The following DOCK1 variants were observed in gnomAD, a reference collection of about 807,000 sequenced individuals.
DOCK1 encodes the protein dedicator of cytokinesis 1, also known as dedicator of cytokinesis protein 1.
In DOCK1, 138 loss-of-function variants were observed where a neutral mutation model predicts 262.7. The observed-to-expected ratio is 0.53, with a 90% CI of 0.46 to 0.61. The LOEUF is 0.61. Among genes scored for constraint, DOCK1 ranks in the 20% least tolerant of loss-of-function variants. The pLI, the probability that DOCK1 is intolerant of heterozygous loss-of-function variation, is 0.00. For synonymous variants in DOCK1, 866 were observed against 867.4 expected, an observed-to-expected ratio of 1.00 and a Z score of 0.03; for missense variants, 1,908 against 2,370.7, an observed-to-expected ratio of 0.80 and a Z score of 4.05.
intron 24 of DOCK1, among the ~76,000 whole-genome samples, chr10:127,107,245 A>G (rs2048586680): frequency 1.3e-5 from 2 of 152,172 alleles, no homozygotes; most frequent in South Asian, 2.1e-4. Context: ...TTACCGGCCA[A>G]TGAAGCCCTC....
At chr10:127,009,923 G>T (rs1198563005) in intron 11 of DOCK1, among the ~76,000 whole-genome samples, 1 of 152,122 alleles carries the variant, frequency 6.6e-6, no homozygotes, top group Non-Finnish European at 1.5e-5. Flanking sequence ...GAAGAGTATG[G>T]CTTTCTTTGC....
At chr10:127,123,291 A>G (rs1351655302) in intron 25 of DOCK1, among the ~76,000 whole-genome samples, 1 of 152,096 alleles carries the variant, frequency 6.6e-6, no homozygotes, top group Non-Finnish European at 1.5e-5. Context: ...TGTTTTCCAG[A>G]ATGGTGGCAG....
chr10:127,451,348 T>C lies in DOCK1; in HGVS notation c.5582T>C (p.Leu1861Pro), dbSNP rs773681145. 2.5e-6 allele frequency: 4 copies of C among 1,598,806 alleles called. No individual in the cohort carries two copies. Among genetic ancestry groups the C allele is most frequent in the Non-Finnish European group, 1.7e-6 (2 of 1,172,936 alleles). Residue 1861 changes from leucine to proline, a missense_variant, in exon 52 of 52, where the codon CTG (leucine) becomes CCG (proline). Leu to Pro is a moderately conservative substitution (Grantham distance 98, BLOSUM62 -3). Transcript: ENST00000623213. ...GTTTTTTAGCATCTGCCACCTCCAC[T>C]GCCCAGCAAAACTCCGCCTCCTCCC... ...PPHQRHLPPP[L>P]PSKTPPPPPP... is the part of the protein sequence containing the mutation.
At chr10:127,108,508 A>G (rs992576677) in intron 24 of DOCK1, among the ~76,000 whole-genome samples, 18 of 152,146 alleles carry the variant, frequency 1.2e-4, no homozygotes, top group Non-Finnish European at 2.4e-4. Flanking sequence ...AATTGTTTGA[A>G]CCCAGAGGCA....
At chr10:127,134,181 C>T (rs2050503727) in intron 27 of DOCK1, among the ~76,000 whole-genome samples, 1 of 152,182 alleles carries the variant, frequency 6.6e-6, no homozygotes, top group Non-Finnish European at 1.5e-5. Flanking sequence ...GGTCTGTCTT[C>T]ACAGTTTTAA....
intron 1 of DOCK1, among the ~76,000 whole-genome samples, chr10:126,958,835 T>A (rs1203473870): frequency 6.6e-6 from 1 of 152,100 alleles, no homozygotes; most frequent in Non-Finnish European, 1.5e-5. Flanking sequence ...AGTCGAACTC[T>A]GTGAAATATT....
In DOCK1 at chr10:126,929,015, CCT is replaced by C. The variant is rs2033984118; in HGVS notation, c.46+23457_46+23458del. Among the ~76,000 whole-genome samples, 8 of 152,286 alleles carry C rather than the reference CCT, an allele frequency of 5.3e-5. No individual in the cohort carries two copies. The South Asian group carries it at 1.7e-3, about 32-fold the overall frequency. On this transcript the variant is annotated intron_variant, in intron 1 of 51. Transcript: ENST00000623213. The stretch of plus-strand genomic sequence containing the variant: ...TTTCACATGTCTCATTTGACGAGGG[CCT>C]CTCTGTCTAGAAAGACTGTAGGCTG...
At chr10:126,915,111 T>C (rs1257231628) in intron 1 of DOCK1, among the ~76,000 whole-genome samples, 1 of 152,072 alleles carries the variant, frequency 6.6e-6, no homozygotes, top group Non-Finnish European at 1.5e-5. Flanking sequence ...GAGGAGAATG[T>C]GGATTTGGTG....
intron 1 of DOCK1, among the ~76,000 whole-genome samples, chr10:126,949,904 T>C (rs2036044522): frequency 6.6e-6 from 1 of 152,060 alleles, no homozygotes; most frequent in Non-Finnish European, 1.5e-5. Context: ...AGGGCTGTGC[T>C]TTTTTAGAGT....
In DOCK1 at chr10:126,944,262, C is replaced by T. The variant is rs1458510404; in HGVS notation, c.47-26440C>T. Among the ~76,000 whole-genome samples the T allele has an allele frequency of 2.0e-5, 3 of 151,344 alleles. No individual in the cohort carries two copies. In the East Asian group the frequency reaches 5.9e-4, roughly 30 times the overall value. On this transcript the variant is annotated intron_variant, in intron 1 of 51. Transcript: ENST00000623213. ...GCAGGGGCTGCTGGTCTCCGGTGGT[C>T]CTGGAGAAGGATGAACTCAGGGTAC... is the stretch of plus-strand genomic sequence containing the variant.
chr10:127,000,476 C>G, intron 10 of DOCK1, 169 bp downstream of exon 10: 2 of 1,026,876 alleles, frequency 1.9e-6, no homozygotes, highest in Non-Finnish European at 2.7e-6. Flanking sequence ...TCAAGTTGAC[C>G]TGCTAGGCTC....
chr10:127,228,868 A>T (rs190341529), intron 27 of DOCK1, among the ~76,000 whole-genome samples: 2 of 152,230 alleles, frequency 1.3e-5, no homozygotes, highest in East Asian at 3.8e-4. Flanking sequence ...ATTGTGGAAC[A>T]GCTAAATTGA....
intron 12 of DOCK1, among the ~76,000 whole-genome samples, chr10:127,017,847 C>A (rs1394085883): frequency 2.0e-5 from 3 of 152,174 alleles, no homozygotes; most frequent in Non-Finnish European, 4.4e-5. Flanking sequence ...CCCTGCCTGC[C>A]CCGCCTTTGA....
At chr10:126,932,229 A>G (rs1329346549) in intron 1 of DOCK1, among the ~76,000 whole-genome samples, 1 of 152,210 alleles carries the variant, frequency 6.6e-6, no homozygotes, top group Non-Finnish European at 1.5e-5. Flanking sequence ...ATGACTGCAA[A>G]ATAGCAGAGA....
chr10:127,131,757 C>A (rs887402424), intron 27 of DOCK1, among the ~76,000 whole-genome samples: 2 of 152,140 alleles, frequency 1.3e-5, no homozygotes, highest in African/African-American at 4.8e-5. Flanking sequence ...AATCAGTAGA[C>A]CTTCTAGAGT....
intron 27 of DOCK1, among the ~76,000 whole-genome samples, chr10:127,190,729 C>T (rs1385195913): frequency 8.7e-5 from 12 of 138,198 alleles, no homozygotes; most frequent in South Asian, 2.6e-4. Flanking sequence ...AATCCCCCAC[C>T]GCCTTGCTGG....
In DOCK1 at chr10:126,981,908, C is replaced by G; in HGVS notation, c.172-10C>G. The G allele has an allele frequency of 6.3e-7, 1 of 1,583,482 alleles. No homozygotes were observed. On this transcript the variant is annotated splice_polypyrimidine_tract_variant and intron_variant, in intron 3 of 51. Transcript: ENST00000623213. ...TAATAAAAGCTACTGTTTTTTTTTT[C>G]CTCCCAAAGGGTATATTTCCTGCTT...
In DOCK1 at chr10:127,415,223, CAA is replaced by C. The variant is rs1304692088; in HGVS notation, c.4501_4502del (p.Lys1501ValfsTer15). Reference sequence around the variant, plus strand: ...CTGGAATTTTAAGGTGGTTTGAGGTCAAGTCTGTTTTCATGGTAAGGATGGCC... The same window carrying C: ...CTGGAATTTTAAGGTGGTTTGAGGTCGTCTGTTTTCATGGTAAGGATGGCC... ...LPGILRWFEVKSVFMVEISPL... is the reference protein window; with the variant it reads ...LPGILRWFEVXSVFMVEISPL... On this transcript the variant is annotated frameshift_variant, in exon 44 of 52. Transcript: ENST00000623213. LOFTEE classifies it high-confidence loss of function. The C allele has an allele frequency of 6.2e-7, 1 of 1,612,588 alleles. No homozygotes were observed. Among genetic ancestry groups the C allele is most frequent in the Non-Finnish European group, 8.5e-7 (1 of 1,179,654 alleles).
chr10:126,925,769 T>TGTGC (rs1285971289), intron 1 of DOCK1, among the ~76,000 whole-genome samples: 22 of 139,624 alleles, frequency 1.6e-4, no homozygotes, highest in Non-Finnish European at 2.8e-4. Context: ...TGTGTGTGTG[T>TGTGC]GCGCCTAGGT....
Sources: gnomAD v4.1 joint callset for allele counts (sites outside exome capture counted in the v4.1 genomes callset) on GRCh38, gnomAD v4.1.1 for gene constraint, MANE v1.5 for transcripts, NCBI Gene and HGNC (gene_info 2026-07-23, HGNC 2026-07-21) for gene names.